Variants in SAMD4A observed in about 807,000 individuals in gnomAD.
SAMD4A encodes the protein protein Smaug homolog 1.
SAMD4A carries 33 observed loss-of-function variants against 81.3 expected under a neutral mutation model. That is an observed-to-expected ratio of 0.41 (90% CI 0.31 to 0.54). SAMD4A has a LOEUF of 0.54. SAMD4A is among the 20% of genes least tolerant of loss of function. The probability of loss-of-function intolerance (pLI) is 0.37; values close to 1 mark genes in which losing one functional copy is unlikely to be tolerated. For missense variants in SAMD4A, 854 were observed against 951.1 expected (o/e 0.90, Z 1.34); for synonymous variants, 389 against 382.1 (o/e 1.02, Z -0.21).
At chr14:54,609,972 T>C (rs1394889032) in intron 2 of SAMD4A, among the ~76,000 whole-genome samples, 1 of 152,266 alleles carries the variant, frequency 6.6e-6, no homozygotes, top group Non-Finnish European at 1.5e-5. Context: ...TTGTTGGCGC[T>C]GCTGATATTA....
chr14:54,654,541 G>T (rs2035478280), intron 2 of SAMD4A, among the ~76,000 whole-genome samples: 1 of 152,182 alleles, frequency 6.6e-6, no homozygotes, highest in South Asian at 2.1e-4. Flanking sequence ...ATAGTGTTTA[G>T]CTTTGATCTT....
intron 2 of SAMD4A, among the ~76,000 whole-genome samples, chr14:54,610,187 G>A (rs114221431): frequency 0.011 from 1,626 of 152,102 alleles, 31 homozygotes; most frequent in African/African-American, 0.037. Context: ...ACGAGTTTTC[G>A]TAGCCTTTTG....
In SAMD4A at chr14:54,755,457, C is replaced by T. The variant is rs567658629; in HGVS notation, c.1176+3920C>T. ...AGAAGTGTGTGCCAAGGGTCAAGAG[C>T]GTGGACAGGCCCTGAGGAGCACCGT... On this transcript the variant is annotated intron_variant, in intron 6 of 12. Transcript: ENST00000554335. 8.5e-5 allele frequency among the ~76,000 whole-genome samples: 13 copies of T among 152,178 alleles called. No homozygotes were observed. In the South Asian group the frequency reaches 1.7e-3, roughly 19 times the overall value.
At chr14:54,751,116 G>A (rs1299321414) in intron 5 of SAMD4A, among the ~76,000 whole-genome samples, 1 of 152,046 alleles carries the variant, frequency 6.6e-6, no homozygotes, top group Admixed American at 6.6e-5. Context: ...ACAAAAATTA[G>A]CCAGGTTTGG....
intron 2 of SAMD4A, among the ~76,000 whole-genome samples, chr14:54,599,203 A>G (rs1424173568): frequency 1.3e-5 from 2 of 152,198 alleles, no homozygotes; most frequent in Admixed American, 6.5e-5. Context: ...GACATTCCCA[A>G]ATATTATACC....
At chr14:54,640,045 G>A (rs2035136528) in intron 2 of SAMD4A, among the ~76,000 whole-genome samples, 1 of 151,862 alleles carries the variant, frequency 6.6e-6, no homozygotes, top group South Asian at 2.1e-4. Context: ...AATAGCCTTG[G>A]GATTTTGTTT....
At chr14:54,781,210 C>T (rs2038991589) in intron 11 of SAMD4A, among the ~76,000 whole-genome samples, 2 of 152,216 alleles carry the variant, frequency 1.3e-5, no homozygotes, top group African/African-American at 4.8e-5. Flanking sequence ...ATTCTAAAGT[C>T]CTAAAGAAAT....
intron 3 of SAMD4A, among the ~76,000 whole-genome samples, chr14:54,713,689 G>A (rs938728684): frequency 6.6e-6 from 1 of 152,176 alleles, no homozygotes; most frequent in East Asian, 1.9e-4. Flanking sequence ...CCCATATGGA[G>A]CTAAAAGATT....
At chr14:54,744,017 A>G (rs375228658) in intron 4 of SAMD4A, among the ~76,000 whole-genome samples, 81 of 152,262 alleles carry the variant, frequency 5.3e-4, no homozygotes, top group East Asian at 4.4e-3. Context: ...TCTCCCCCTC[A>G]GAGATCAAGG....
chr14:54,760,293 C>A lies in SAMD4A; in HGVS notation c.1309C>A (p.Gln437Lys), dbSNP rs369338750. ...ARRREPQAPR[Q>K]PSLMGPESQS... ...CCGCCGGGAGCCCCAGGCCCCGCGT[C>A]AGCCCTCACTGATGGGCCCCGAGAG... The change falls in exon 7 of 13, where the codon CAG becomes AAG. Residue 437 changes from glutamine (Q) to lysine (K), a missense_variant. Physicochemically the swap from Gln to Lys is moderately conservative, Grantham distance 53. Coordinates refer to ENST00000554335, the MANE Select transcript of SAMD4A (RefSeq NM_015589.6). 4.5e-5 allele frequency: 72 copies of A among 1,611,648 alleles called. No individual in the cohort carries two copies. The highest frequency in any genetic ancestry group is 9.3e-6 in the Non-Finnish European group (11 of 1,179,670).
At chr14:54,736,982 A>C in intron 3 of SAMD4A, 42 bp from the exon 4 acceptor site, 1 of 1,604,536 alleles carries the variant, frequency 6.2e-7, no homozygotes, top group Non-Finnish European at 8.5e-7. Flanking sequence ...TCCCAGGATA[A>C]AGGGGGGGGA....
At chr14:54,713,063 T>C (rs1372717881) in intron 3 of SAMD4A, among the ~76,000 whole-genome samples, 3 of 152,196 alleles carry the variant, frequency 2.0e-5, no homozygotes, top group Non-Finnish European at 4.4e-5. Context: ...ACTATAGCTG[T>C]TCTACAAACA....
chr14:54,715,404 G>A (rs12435555), intron 3 of SAMD4A, among the ~76,000 whole-genome samples: 7,566 of 152,208 alleles, frequency 0.05, 343 homozygotes, highest in East Asian at 0.21. Context: ...GGCTGGGTGG[G>A]GGAGGAGAGT....
intron 3 of SAMD4A, among the ~76,000 whole-genome samples, chr14:54,725,221 G>C (rs2037384088): frequency 6.6e-6 from 1 of 152,198 alleles, no homozygotes; most frequent in African/African-American, 2.4e-5. Context: ...CAGTCAATCT[G>C]TATTGCTTAC....
At chr14:54,720,612 A>G (rs943108757) in intron 3 of SAMD4A, among the ~76,000 whole-genome samples, 1 of 152,176 alleles carries the variant, frequency 6.6e-6, no homozygotes, top group Non-Finnish European at 1.5e-5. Flanking sequence ...AGGGCCTGTT[A>G]GGAGTAAGGT....
chr14:54,674,207 G>A (rs1299582750), intron 2 of SAMD4A, among the ~76,000 whole-genome samples: 1 of 152,230 alleles, frequency 6.6e-6, no homozygotes, highest in African/African-American at 2.4e-5. Flanking sequence ...CAAGAGGTTT[G>A]TCTCATTTAA....
intron 11 of SAMD4A, 55 bp downstream of exon 11, chr14:54,776,595 C>T: frequency 1.4e-6 from 2 of 1,447,742 alleles, no homozygotes; most frequent in South Asian, 1.5e-5. Flanking sequence ...AAAATAGATG[C>T]CCTAGCAAAC....
chr14:54,616,532 C>T (rs1278076747), intron 2 of SAMD4A, among the ~76,000 whole-genome samples: 3 of 152,124 alleles, frequency 2.0e-5, no homozygotes, highest in African/African-American at 7.2e-5. Context: ...GGGAAGGCTC[C>T]CTCCTGGTTG....
At chr14:54,609,935 T>G (rs2034312618) in intron 2 of SAMD4A, among the ~76,000 whole-genome samples, 1 of 152,196 alleles carries the variant, frequency 6.6e-6, no homozygotes, top group Non-Finnish European at 1.5e-5. Flanking sequence ...TTTGGAGAGA[T>G]GGGAGCCCAT....
Sources: gnomAD v4.1 joint callset for allele counts (sites outside exome capture counted in the v4.1 genomes callset) on GRCh38, gnomAD v4.1.1 for gene constraint, MANE v1.5 for transcripts, NCBI Gene and HGNC (gene_info 2026-07-23, HGNC 2026-07-21) for gene names.